Variants in NTM observed in about 807,000 individuals in gnomAD.
NTM encodes IgLON family member 2.
NTM carries 13 observed loss-of-function variants against 42.1 expected under a neutral mutation model. The observed-to-expected ratio is 0.31, with a 90% CI of 0.20 to 0.49. The LOEUF (loss-of-function observed/expected upper bound fraction) is 0.49, where lower values mean the gene tolerates loss of function less well. Ranked by LOEUF, NTM falls within the 20% of genes least tolerant of loss-of-function variation. The pLI, the probability that NTM is intolerant of heterozygous loss-of-function variation, is 0.99. For missense variants in NTM, 373 were observed against 452.8 expected (o/e 0.82, Z 1.60); for synonymous variants, 187 against 179.2 (o/e 1.04, Z -0.35).
chr11:131,809,514 G>A (rs2092651951), intron 1 of NTM, among the ~76,000 whole-genome samples: 2 of 152,226 alleles, frequency 1.3e-5, no homozygotes, highest in South Asian at 4.1e-4. Flanking sequence ...GCATGGGAGA[G>A]AATGACAGGC....
At chr11:131,490,834 A>T (rs1954697963) in intron 1 of NTM, among the ~76,000 whole-genome samples, 1 of 152,218 alleles carries the variant, frequency 6.6e-6, no homozygotes, top group South Asian at 2.1e-4. Context: ...CACCTGAGAG[A>T]AATTTGAGTT....
Position 131,948,205 on chromosome 11 carries a change from T to TA in NTM, c.167+36567dup, listed in dbSNP as rs200173787. On this transcript the variant is annotated intron_variant, in intron 2 of 8. Coordinates refer to ENST00000683400, the MANE Select transcript of NTM (RefSeq NM_001352005.2). ...TGAAACCCCGTCTCTACTAAAAATATAAAAAAAAAATTAGCCAGGCGTGGT... is the reference window on the plus strand; with the variant it reads ...TGAAACCCCGTCTCTACTAAAAATATAAAAAAAAAAATTAGCCAGGCGTGGT... Among the ~76,000 whole-genome samples the TA allele has an allele frequency of 3.7e-3, 555 of 148,726 alleles. 5 individuals are homozygous for TA. Among genetic ancestry groups the TA allele is most frequent in the African/African-American group, 0.011 (453 of 40,580 alleles).
At chr11:131,575,453 A>T (rs370291035) in intron 1 of NTM, among the ~76,000 whole-genome samples, 5 of 152,140 alleles carry the variant, frequency 3.3e-5, no homozygotes, top group African/African-American at 1.2e-4. Flanking sequence ...ACATATAGAG[A>T]TGTTCAGTAC....
chr11:132,306,726 C>CTAAT (rs997324692), intron 4 of NTM, among the ~76,000 whole-genome samples: 1 of 152,256 alleles, frequency 6.6e-6, no homozygotes, highest in African/African-American at 2.4e-5. Flanking sequence ...TGCTGTCTTT[C>CTAAT]TAATTACCCT....
In NTM at chr11:131,633,570, T is replaced by C. The variant is rs115107623; in HGVS notation, c.82+262682T>C. Among the ~76,000 whole-genome samples the C allele has an allele frequency of 4.3e-3, 628 of 147,392 alleles. 8 individuals are homozygous for C. Among genetic ancestry groups the C allele is most frequent in the African/African-American group, 0.015 (585 of 39,772 alleles). ...CTCTATCTCTCCCTCTCTCTCTCTCTACCTCTCCATCTCTCTCCCTCTCTC... is the reference window on the plus strand; with the variant it reads ...CTCTATCTCTCCCTCTCTCTCTCTCCACCTCTCCATCTCTCTCCCTCTCTC... On this transcript the variant is annotated intron_variant, in intron 1 of 8. Coordinates refer to ENST00000683400, the MANE Select transcript of NTM (RefSeq NM_001352005.2).
intron 4 of NTM, among the ~76,000 whole-genome samples, chr11:132,259,086 C>T (rs1274184281): frequency 6.6e-6 from 1 of 152,148 alleles, no homozygotes; most frequent in Non-Finnish European, 1.5e-5. Flanking sequence ...CTGTGAGTCA[C>T]TGCTAGATAC....
chr11:131,568,305 G>A (rs2057099927), intron 1 of NTM, among the ~76,000 whole-genome samples: 2 of 152,212 alleles, frequency 1.3e-5, no homozygotes, highest in African/African-American at 4.8e-5. Flanking sequence ...TTGCAAGACA[G>A]TGAATATTAG....
At chr11:131,646,953 G>A (rs2065844038) in intron 1 of NTM, among the ~76,000 whole-genome samples, 1 of 152,144 alleles carries the variant, frequency 6.6e-6, no homozygotes, top group Admixed American at 6.5e-5. Flanking sequence ...TAAAGCTCTA[G>A]GTCCAGAATT....
At chr11:131,932,504 A>G (rs768919860) in intron 2 of NTM, among the ~76,000 whole-genome samples, 7 of 152,214 alleles carry the variant, frequency 4.6e-5, no homozygotes, top group Non-Finnish European at 8.8e-5. Context: ...TTTAGTGTCT[A>G]AAACGGTGCA....
At chr11:132,005,148 TA>T (rs1348135204) in intron 2 of NTM, among the ~76,000 whole-genome samples, 2 of 152,164 alleles carry the variant, frequency 1.3e-5, no homozygotes, top group African/African-American at 4.8e-5. Flanking sequence ...TAAGGGAGTC[TA>T]AAAAAATATC....
At chr11:132,105,892 A>T (rs1407072844) in intron 2 of NTM, among the ~76,000 whole-genome samples, 4 of 152,164 alleles carry the variant, frequency 2.6e-5, no homozygotes, top group African/African-American at 9.7e-5. Flanking sequence ...GCACCTGTGC[A>T]TGTGTGGGAG....
chr11:131,840,275 A>G (rs1045163933), intron 1 of NTM, among the ~76,000 whole-genome samples: 1 of 152,210 alleles, frequency 6.6e-6, no homozygotes, highest in African/African-American at 2.4e-5. Context: ...AAGAATTCCA[A>G]TATTAAGGAT....
At chr11:132,120,637 C>T (rs1407574056) in intron 2 of NTM, among the ~76,000 whole-genome samples, 1 of 152,212 alleles carries the variant, frequency 6.6e-6, no homozygotes, top group Non-Finnish European at 1.5e-5. Flanking sequence ...TCCTTTCTTT[C>T]TTCATCTGGT....
chr11:131,602,493 G>T (rs987790317), intron 1 of NTM, among the ~76,000 whole-genome samples: 3 of 152,246 alleles, frequency 2.0e-5, no homozygotes, highest in Middle Eastern at 3.4e-3. Flanking sequence ...ACTCCCCATA[G>T]AGTTCCCAGT....
intron 1 of NTM, among the ~76,000 whole-genome samples, chr11:131,711,959 A>G (rs1010028075): frequency 1.6e-5 from 2 of 122,864 alleles, no homozygotes; most frequent in African/African-American, 6.1e-5. Context: ...AGGAAGGGGA[A>G]CATCACACTC....
intron 2 of NTM, among the ~76,000 whole-genome samples, chr11:132,070,978 G>A (rs544816472): frequency 2.3e-4 from 33 of 141,744 alleles, no homozygotes; most frequent in Non-Finnish European, 3.7e-4. Flanking sequence ...TAGTTAACAC[G>A]TCACACAGCC....
At chr11:131,938,410 A>G (rs1378673275) in intron 2 of NTM, among the ~76,000 whole-genome samples, 1 of 152,236 alleles carries the variant, frequency 6.6e-6, no homozygotes, top group Non-Finnish European at 1.5e-5. Flanking sequence ...TTGGCAAGTT[A>G]GGGAAAGAAA....
chr11:131,554,624 G>A (rs2055155310), intron 1 of NTM, among the ~76,000 whole-genome samples: 1 of 151,970 alleles, frequency 6.6e-6, no homozygotes, highest in Admixed American at 6.5e-5. Context: ...CATCCTCCTG[G>A]GTTCTTCATT....
At chr11:132,135,003 G>A (rs575222592) in intron 2 of NTM, among the ~76,000 whole-genome samples, 43 of 151,798 alleles carry the variant, frequency 2.8e-4, no homozygotes, top group African/African-American at 9.7e-4. Flanking sequence ...TCCTTTATTA[G>A]TTTACTGTCC....
Sources: allele counts gnomAD v4.1 joint callset (sites outside exome capture counted in the v4.1 genomes callset), GRCh38; gene constraint gnomAD v4.1.1; transcripts MANE v1.5; gene names NCBI Gene and HGNC (gene_info 2026-07-23, HGNC 2026-07-21).